The following LRMDA variants were observed in gnomAD, a reference collection of about 807,000 sequenced individuals.
The protein encoded by LRMDA is leucine rich melanocyte differentiation associated.
LRMDA carries 18 observed loss-of-function variants against 29.8 expected under a neutral mutation model. That is an observed-to-expected ratio of 0.60 (90% CI 0.42 to 0.90). LRMDA has a LOEUF of 0.90. Ranked by LOEUF, LRMDA falls within the 40% of genes least tolerant of loss-of-function variation. The pLI is 0.00. For missense variants in LRMDA, 273 were observed against 273.9 expected (o/e 1.00, Z 0.02); for synonymous variants, 125 against 109.4 (o/e 1.14, Z -0.89).
At chr10:76,426,934 G>A (rs1157643733) in intron 6 of LRMDA, among the ~76,000 whole-genome samples, 3 of 152,130 alleles carry the variant, frequency 2.0e-5, no homozygotes, top group Non-Finnish European at 4.4e-5. Flanking sequence ...TATTATTTCT[G>A]AGGGCTGTGT....
In LRMDA at chr10:76,100,283, A is replaced by G. The variant is rs1849376005; in HGVS notation, c.516+41500A>G. ...AAAGTTAGGCACACAGACATATTGA[A>G]GGGTAAAGGGAATGTGGAATCTATT... On this transcript the variant is annotated intron_variant, in intron 5 of 6. Coordinates refer to ENST00000611255, the MANE Select transcript of LRMDA (RefSeq NM_001305581.2). Among the ~76,000 whole-genome samples the G allele has an allele frequency of 2.0e-5, 3 of 152,294 alleles. No individual in the cohort carries two copies. In the South Asian group the frequency reaches 6.2e-4, roughly 32 times the overall value.
At chr10:75,812,447 C>G (rs1160501897) in intron 2 of LRMDA, among the ~76,000 whole-genome samples, 1 of 152,128 alleles carries the variant, frequency 6.6e-6, no homozygotes, top group South Asian at 2.1e-4. Context: ...TCTTTCTGCT[C>G]TTTCGACCAT....
intron 5 of LRMDA, among the ~76,000 whole-genome samples, chr10:76,131,534 A>T (rs1253756830): frequency 1.3e-5 from 2 of 152,224 alleles, no homozygotes; most frequent in African/African-American, 4.8e-5. Flanking sequence ...TCTTTGATGC[A>T]TATTGCAAAA....
chr10:75,624,626 A>C (rs1480185524), intron 2 of LRMDA, among the ~76,000 whole-genome samples: 2 of 152,178 alleles, frequency 1.3e-5, no homozygotes, highest in Non-Finnish European at 2.9e-5. Flanking sequence ...TAATATAAAG[A>C]GGGCAAAAGC....
chr10:76,140,098 C>T (rs963169298), intron 5 of LRMDA, among the ~76,000 whole-genome samples: 1 of 152,074 alleles, frequency 6.6e-6, no homozygotes, highest in Non-Finnish European at 1.5e-5. Context: ...CTTTGGAAAC[C>T]AGAATATGCC....
intron 2 of LRMDA, among the ~76,000 whole-genome samples, chr10:75,597,085 G>T (rs1013767313): frequency 5.9e-5 from 9 of 151,548 alleles, no homozygotes; most frequent in African/African-American, 1.9e-4. Context: ...TATTTGGCTA[G>T]AGAGTTTTTG....
chr10:76,551,489 T>C (rs1843494069), intron 6 of LRMDA, among the ~76,000 whole-genome samples: 1 of 152,194 alleles, frequency 6.6e-6, no homozygotes, highest in African/African-American at 2.4e-5. Flanking sequence ...CTCTCCAACT[T>C]ACGAAGGTTC....
chr10:75,672,753 G>C (rs1841913803), intron 2 of LRMDA, among the ~76,000 whole-genome samples: 1 of 150,326 alleles, frequency 6.7e-6, no homozygotes, highest in Admixed American at 6.6e-5. Context: ...TACGTTTTCA[G>C]TAGAGACGGG....
intron 2 of LRMDA, among the ~76,000 whole-genome samples, chr10:75,972,784 T>C (rs1377656623): frequency 6.6e-6 from 1 of 152,124 alleles, no homozygotes; most frequent in Non-Finnish European, 1.5e-5. Context: ...CTTAGAGGAA[T>C]TGTCAGGAGT....
rs759696722 is a variant in LRMDA at position 76,047,232 on chromosome 10, G to A, written c.327G>A (p.Leu109=). 1.9e-6 allele frequency: 3 copies of A among 1,614,096 alleles called. No individual in the cohort carries two copies. The highest frequency in any genetic ancestry group is 3.3e-5 in the Admixed American group (2 of 60,020). The change falls in exon 4 of 7, where the codon CTG becomes CTA. Residue 109 remains leucine (L), a synonymous_variant. Coordinates refer to ENST00000611255, the MANE Select transcript of LRMDA (RefSeq NM_001305581.2). ...EVTPALEYLS[L]LGNVACPNEL... ...CACCAGCTCTGGAGTACCTCAGTCTGCTGGGCAACGTGGCCTGTCCCAACG... is the reference window on the plus strand; with the variant it reads ...CACCAGCTCTGGAGTACCTCAGTCTACTGGGCAACGTGGCCTGTCCCAACG...
chr10:75,900,814 C>T (rs566994053), intron 2 of LRMDA, among the ~76,000 whole-genome samples: 1 of 152,206 alleles, frequency 6.6e-6, no homozygotes, highest in East Asian at 1.9e-4. Context: ...ACAAATAGAA[C>T]ACTATTGCCT....
intron 2 of LRMDA, among the ~76,000 whole-genome samples, chr10:75,594,376 A>T (rs574101446): frequency 2.8e-4 from 42 of 152,326 alleles, no homozygotes; most frequent in African/African-American, 9.9e-4. Flanking sequence ...CAACATTTTG[A>T]GGTCCCAGGT....
chr10:75,829,329 G>A (rs1471003311), intron 2 of LRMDA, among the ~76,000 whole-genome samples: 2 of 152,144 alleles, frequency 1.3e-5, no homozygotes, highest in Non-Finnish European at 2.9e-5. Context: ...CTAGTAAGGA[G>A]CAAAGCAGCC....
intron 2 of LRMDA, among the ~76,000 whole-genome samples, chr10:75,712,606 G>T (rs1312635040): frequency 6.6e-6 from 1 of 152,192 alleles, no homozygotes; most frequent in African/African-American, 2.4e-5. Context: ...ATTTAACACA[G>T]ACAAACAGAA....
intron 6 of LRMDA, among the ~76,000 whole-genome samples, chr10:76,393,691 T>C (rs1278492851): frequency 6.6e-6 from 1 of 152,194 alleles, no homozygotes; most frequent in Non-Finnish European, 1.5e-5. Flanking sequence ...TTATTTTTGC[T>C]TTTGTTGCCT....
intron 4 of LRMDA, among the ~76,000 whole-genome samples, chr10:76,050,361 A>G (rs186144340): frequency 6.6e-6 from 1 of 152,164 alleles, no homozygotes; most frequent in Non-Finnish European, 1.5e-5. Context: ...TTCTTGGCAC[A>G]CATCCCCACC....
intron 5 of LRMDA, among the ~76,000 whole-genome samples, chr10:76,291,261 A>T (rs112257886): frequency 0.016 from 2,436 of 152,314 alleles, 54 homozygotes; most frequent in African/African-American, 0.056. Flanking sequence ...AATAACACAG[A>T]CACTTCATCT....
intron 5 of LRMDA, among the ~76,000 whole-genome samples, chr10:76,110,626 T>A (rs560996273): frequency 6.6e-6 from 1 of 152,162 alleles, no homozygotes; most frequent in Non-Finnish European, 1.5e-5. Flanking sequence ...TTTCCCATGC[T>A]CTTCTCGTGA....
chr10:76,159,767 A>G (rs1360869901), intron 5 of LRMDA, among the ~76,000 whole-genome samples: 1 of 152,206 alleles, frequency 6.6e-6, no homozygotes, highest in Middle Eastern at 3.2e-3. Context: ...TTCATAAGTG[A>G]AAGAAGCCAA....
Sources: allele counts gnomAD v4.1 joint callset (sites outside exome capture counted in the v4.1 genomes callset), GRCh38; gene constraint gnomAD v4.1.1; transcripts MANE v1.5; gene names NCBI Gene and HGNC (gene_info 2026-07-23, HGNC 2026-07-21).